The following DIP2C variants were observed in gnomAD, a reference collection of about 807,000 sequenced individuals.
The protein encoded by DIP2C is DIP2 acetate--CoA ligase C (putative), also known as disco-interacting protein 2 homolog C.
A neutral mutation model predicts 192.4 loss-of-function variants in DIP2C; 33 were observed. That is an observed-to-expected ratio of 0.17 (90% CI 0.13 to 0.23). The LOEUF (loss-of-function observed/expected upper bound fraction) is 0.23. DIP2C is among the 10% of genes least tolerant of loss of function. The pLI is 1.00. For missense variants in DIP2C, 1,537 were observed against 2,110.1 expected (o/e 0.73, Z 5.32); for synonymous variants, 979 against 864.1 (o/e 1.13, Z -2.33).
chr10:304,405 TTC>T (rs748824584), intron 32 of DIP2C, among the ~76,000 whole-genome samples: 1 of 152,110 alleles, frequency 6.6e-6, no homozygotes, highest in Non-Finnish European at 1.5e-5. Flanking sequence ...ACATGACTAA[TTC>T]AGCAAAGGGA....
rs548829894 is a variant in DIP2C, at chr10:275,249, C to T, written c.*2076G>A. 1.6e-3 allele frequency: 249 copies of T among 152,362 alleles called. 1 individual carries two copies. The highest frequency in any genetic ancestry group is 5.5e-3 in the African/African-American group (230 of 41,574). 9.4% of individuals were successfully genotyped at this position (152,362 alleles called of 1,614,324 possible). On this transcript the variant is annotated 3_prime_UTR_variant, in exon 37 of 37. Coordinates refer to ENST00000280886, the MANE Select transcript of DIP2C (RefSeq NM_014974.3). Reference sequence around the variant, plus strand: ...TGCCTGGCCTGAAGCCCCAAACCTACCTCCCTTTCAACAAGGTGGGTGGGT... The same window carrying T: ...TGCCTGGCCTGAAGCCCCAAACCTATCTCCCTTTCAACAAGGTGGGTGGGT...
intron 31 of DIP2C, among the ~76,000 whole-genome samples, chr10:319,827 T>C (rs916129421): frequency 2.6e-5 from 4 of 152,150 alleles, no homozygotes; most frequent in Non-Finnish European, 4.4e-5. Flanking sequence ...TTTTACCTCC[T>C]AGCTTTGTCA....
At chr10:383,962 CGA>C (rs1962619825) in intron 16 of DIP2C, 63 bp downstream of exon 16, 27 of 1,230,412 alleles carry the variant, frequency 2.2e-5, no homozygotes, top group Admixed American at 1.0e-4. Context: ...GCCTGCCTCA[CGA>C]AAAAAAAAAA....
At chr10:428,300 C>A (rs1966726610) in intron 4 of DIP2C, among the ~76,000 whole-genome samples, 1 of 152,150 alleles carries the variant, frequency 6.6e-6, no homozygotes, top group Non-Finnish European at 1.5e-5. Flanking sequence ...CATTTGCAAT[C>A]AGCCTAAAGT....
chr10:282,747 C>G (rs1034797238), intron 35 of DIP2C, among the ~76,000 whole-genome samples: 6 of 152,278 alleles, frequency 3.9e-5, no homozygotes, highest in African/African-American at 1.4e-4. Flanking sequence ...CCAGCATCAG[C>G]AGCACCAGGC....
intron 22 of DIP2C, among the ~76,000 whole-genome samples, chr10:359,291 T>C (rs952997468): frequency 3.9e-5 from 6 of 152,174 alleles, no homozygotes; most frequent in African/African-American, 1.4e-4. Flanking sequence ...TGCACGGCCA[T>C]CCTTTTCAAA....
chr10:515,212 C>T (rs1476464329), intron 1 of DIP2C, among the ~76,000 whole-genome samples: 1 of 152,058 alleles, frequency 6.6e-6, no homozygotes, highest in Admixed American at 6.5e-5. Context: ...CCATAATTGT[C>T]AAAAGAATCT....
At chr10:414,363 A>G (rs1012978699) in intron 7 of DIP2C, among the ~76,000 whole-genome samples, 1 of 152,152 alleles carries the variant, frequency 6.6e-6, no homozygotes, top group African/African-American at 2.4e-5. Context: ...CTGCAAACTG[A>G]TAACAGGTGG....
intron 1 of DIP2C, among the ~76,000 whole-genome samples, chr10:584,205 A>C (rs1850838501): frequency 6.6e-6 from 1 of 152,112 alleles, no homozygotes. Context: ...AAAAATATAC[A>C]CCAATACTCC....
At chr10:632,219 G>A (rs545275800) in intron 1 of DIP2C, among the ~76,000 whole-genome samples, 1 of 152,256 alleles carries the variant, frequency 6.6e-6, no homozygotes, top group Non-Finnish European at 1.5e-5. Context: ...AATTCGCGGT[G>A]GCCCAGTATA....
At chr10:427,798 T>TA (rs1966690905) in intron 4 of DIP2C, among the ~76,000 whole-genome samples, 1 of 152,216 alleles carries the variant, frequency 6.6e-6, no homozygotes, top group East Asian at 1.9e-4. Flanking sequence ...GGGATGCTCA[T>TA]ATACTGCTGG....
intron 18 of DIP2C, among the ~76,000 whole-genome samples, chr10:368,746 C>T (rs1189467689): frequency 2.0e-5 from 3 of 152,226 alleles, no homozygotes; most frequent in Non-Finnish European, 4.4e-5. Flanking sequence ...GGCATGGCTA[C>T]CCTGCTGGGC....
intron 29 of DIP2C, 94 bp from the exon 30 acceptor site, chr10:329,695 A>T: frequency 6.8e-7 from 1 of 1,467,344 alleles, no homozygotes; most frequent in Admixed American, 2.4e-5. Context: ...CTCCAAGGAA[A>T]AGGAGGACTT....
At chr10:475,893 C>T (rs1564758941) in intron 2 of DIP2C, among the ~76,000 whole-genome samples, 1 of 152,220 alleles carries the variant, frequency 6.6e-6, no homozygotes, top group African/African-American at 2.4e-5. Flanking sequence ...CTGTCCCCGT[C>T]ACAGGGAAAC....
chr10:345,237 C>T (rs1203541380), intron 26 of DIP2C, 127 bp from the exon 27 acceptor site: 33 of 941,816 alleles, frequency 3.5e-5, no homozygotes, highest in Middle Eastern at 2.1e-4. Flanking sequence ...ATGAGGTTAC[C>T]GAGCCCTCCT....
intron 1 of DIP2C, among the ~76,000 whole-genome samples, chr10:601,377 C>G (rs74748436): frequency 0.097 from 14,686 of 152,162 alleles, 1,638 homozygotes; most frequent in African/African-American, 0.27. Flanking sequence ...ATGCATATGT[C>G]AAAGTAAGAA....
Position 378,134 on chromosome 10 carries a change from A to G in DIP2C, c.1991+4513T>C, listed in dbSNP as rs145101753. Among the ~76,000 whole-genome samples the G allele has an allele frequency of 1.1e-3, 175 of 152,276 alleles. No individual in the cohort carries two copies. In the East Asian group the frequency reaches 0.013, roughly 11 times the overall value. ...ATGAGTTTAGGCACCACAAGCCCCT[A>G]TTTCCCCAATATTTTTCTACTCTAA... On this transcript the variant is annotated intron_variant, in intron 17 of 36. Transcript: ENST00000280886.
intron 1 of DIP2C, among the ~76,000 whole-genome samples, chr10:588,756 C>A (rs1023402137): frequency 7.2e-5 from 11 of 152,216 alleles, no homozygotes; most frequent in East Asian, 1.9e-4. Flanking sequence ...CCACAGGCTA[C>A]CCCAGCCTGC....
chr10:414,299 T>C (rs2133097731), intron 7 of DIP2C, among the ~76,000 whole-genome samples, 189 bp from the exon 8 acceptor site: 1 of 152,308 alleles, frequency 6.6e-6, no homozygotes, highest in African/African-American at 2.4e-5. Flanking sequence ...AAATTAGTTC[T>C]TGTAATTTCC....
Sources: gnomAD v4.1 joint callset for allele counts (sites outside exome capture counted in the v4.1 genomes callset) on GRCh38, gnomAD v4.1.1 for gene constraint, MANE v1.5 for transcripts, NCBI Gene and HGNC (gene_info 2026-07-23, HGNC 2026-07-21) for gene names.